The following LRBA variants were observed in gnomAD, a reference collection of about 807,000 sequenced individuals.
LRBA encodes the protein lipopolysaccharide-responsive and beige-like anchor protein.
A neutral mutation model predicts 330.0 loss-of-function variants in LRBA; 176 were observed. That is an observed-to-expected ratio of 0.53 (90% confidence interval 0.47 to 0.60). The LOEUF (loss-of-function observed/expected upper bound fraction) is 0.60. Ranked by LOEUF, LRBA falls within the 20% of genes least tolerant of loss-of-function variation. The pLI is 0.00. For synonymous variants in LRBA, 1,230 were observed against 1,193.0 expected (o/e 1.03, Z -0.64); for missense variants, 3,259 against 3,444.8 (o/e 0.95, Z 1.35).
chr4:150,908,571 C>T, intron 10 of LRBA, 89 bp downstream of exon 10: 1 of 1,433,264 alleles, frequency 7.0e-7, no homozygotes, highest in Non-Finnish European at 9.6e-7. Context: ...ACGTGACATT[C>T]CATGTGTTTA....
At chr4:150,715,469 C>T (rs574687409) in intron 36 of LRBA, among the ~76,000 whole-genome samples, 2 of 152,166 alleles carry the variant, frequency 1.3e-5, no homozygotes, top group South Asian at 4.2e-4. Flanking sequence ...TAAATAAAAA[C>T]TGCAAAGAAA....
In LRBA at chr4:150,784,944, T is replaced by C. The variant is rs911648393; in HGVS notation, c.5580+13137A>G. Reference sequence around the variant, plus strand: ...TTTCCTTTTATTTCTCCCCAATTTGTAACCACCCAATGGGCTCACCTTGCC... The same window carrying C: ...TTTCCTTTTATTTCTCCCCAATTTGCAACCACCCAATGGGCTCACCTTGCC... On this transcript the variant is annotated intron_variant, in intron 34 of 56. Transcript: ENST00000651943. 2.6e-5 allele frequency among the ~76,000 whole-genome samples: 4 copies of C among 152,198 alleles called. No homozygotes were observed. The East Asian group carries it at 7.7e-4, about 29-fold the overall frequency.
At position 150,559,936 on chromosome 4, in the gene LRBA, A is replaced by G. The variant is rs1318694117; in HGVS notation, c.6330+28112T>C. Among the ~76,000 whole-genome samples the G allele has an allele frequency of 1.2e-3, 127 of 108,688 alleles. 1 individual carries two copies. The highest frequency in any genetic ancestry group is 4.2e-3 in the African/African-American group (116 of 27,634). The allele number at this position is 108,688 out of a possible 152,430, so 71.3% of individuals were successfully genotyped here. A position where few individuals can be genotyped will look rare whatever the true frequency, so the allele number is the denominator to read the frequency against. On this transcript the variant is annotated intron_variant, in intron 40 of 56. Coordinates refer to ENST00000651943, the MANE Select transcript of LRBA (RefSeq NM_001364905.1). Reference sequence around the variant, plus strand: ...ATAATATATAAATATAAATATATATATATCTATATAAATATATATATAAAT... The same window carrying G: ...ATAATATATAAATATAAATATATATGTATCTATATAAATATATATATAAAT...
At chr4:150,666,075 G>C (rs888398520) in intron 37 of LRBA, among the ~76,000 whole-genome samples, 1 of 152,088 alleles carries the variant, frequency 6.6e-6, no homozygotes, top group Non-Finnish European at 1.5e-5. Context: ...GGGTGGGAGA[G>C]AGTAATCACG....
intron 36 of LRBA, among the ~76,000 whole-genome samples, chr4:150,730,493 G>C (rs985296999): frequency 1.2e-4 from 18 of 150,344 alleles, no homozygotes; most frequent in African/African-American, 4.2e-4. Context: ...GACCAGCCTG[G>C]CCAACATGGT....
chr4:150,633,438 C>T (rs545064704), intron 37 of LRBA, among the ~76,000 whole-genome samples: 1 of 152,218 alleles, frequency 6.6e-6, no homozygotes, highest in East Asian at 1.9e-4. Context: ...TGACACACTA[C>T]TGAATAGTTG....
intron 15 of LRBA, among the ~76,000 whole-genome samples, chr4:150,897,379 A>T (rs996592339): frequency 6.6e-6 from 1 of 152,056 alleles, no homozygotes; most frequent in Non-Finnish European, 1.5e-5. Flanking sequence ...CAGAAATACT[A>T]TTTCTCAAAA....
intron 16 of LRBA, among the ~76,000 whole-genome samples, chr4:150,895,950 A>G (rs975892684): frequency 2.6e-5 from 4 of 152,118 alleles, no homozygotes; most frequent in African/African-American, 9.7e-5. Context: ...CACCTATTTA[A>G]TTTTCAACCT....
intron 28 of LRBA, 82 bp downstream of exon 28, chr4:150,844,018 G>T: frequency 1.2e-6 from 1 of 814,186 alleles, no homozygotes; most frequent in Non-Finnish European, 1.9e-6. Flanking sequence ...ATATCACAAA[G>T]AATTTTTAAT....
chr4:150,750,913 TAAA>T (rs34872494), intron 35 of LRBA, among the ~76,000 whole-genome samples: 1 of 137,562 alleles, frequency 7.3e-6, no homozygotes, highest in Non-Finnish European at 1.6e-5. Context: ...GAAAAATCTT[TAAA>T]AAAAAAAAAA....
intron 54 of LRBA, among the ~76,000 whole-genome samples, chr4:150,283,281 G>A (rs1005070026): frequency 3.3e-5 from 5 of 152,278 alleles, no homozygotes; most frequent in South Asian, 2.1e-4. Context: ...TTCACAGCAA[G>A]GAGCAGCATC....
chr4:150,820,451 A>G (rs1745262284), intron 30 of LRBA, among the ~76,000 whole-genome samples: 1 of 152,064 alleles, frequency 6.6e-6, no homozygotes, highest in African/African-American at 2.4e-5. Flanking sequence ...TATAATCAAC[A>G]GCAATAAAGA....
At chr4:150,804,176 T>C (rs914671695) in intron 33 of LRBA, among the ~76,000 whole-genome samples, 6 of 152,194 alleles carry the variant, frequency 3.9e-5, no homozygotes, top group African/African-American at 1.4e-4. Context: ...GTAAAAGTCA[T>C]TCATTACTTC....
chr4:150,445,791 A>G (rs1341433923), intron 44 of LRBA, among the ~76,000 whole-genome samples: 1 of 151,960 alleles, frequency 6.6e-6, no homozygotes, highest in Non-Finnish European at 1.5e-5. Context: ...CAGCCTCCTG[A>G]GCAGCTAGGA....
chr4:150,916,361 T>C lies in LRBA; in HGVS notation c.894+40A>G, dbSNP rs776361685. On this transcript the variant is annotated intron_variant, in intron 7 of 56. Transcript: ENST00000651943. ...AAACAAAGCATTTTGATGACTAGCA[T>C]AGCTTGTTAACATAACTATGACTCA... 37 of 1,596,862 alleles carry C rather than the reference T, an allele frequency of 2.3e-5. No individual in the cohort carries two copies. In the East Asian group the frequency reaches 7.4e-4, roughly 32 times the overall value.
intron 37 of LRBA, among the ~76,000 whole-genome samples, chr4:150,674,995 T>C (rs964426492): frequency 2.0e-5 from 3 of 152,064 alleles, no homozygotes; most frequent in Non-Finnish European, 4.4e-5. Flanking sequence ...GGTAGGTAGA[T>C]TGCTTGAGCC....
At chr4:150,511,793 A>C (rs1252643271) in intron 40 of LRBA, among the ~76,000 whole-genome samples, 1 of 152,254 alleles carries the variant, frequency 6.6e-6, no homozygotes, top group Non-Finnish European at 1.5e-5. Context: ...AGTCAAAATC[A>C]CATAACTAGT....
At chr4:150,986,008 TG>T (rs1185132119) in intron 2 of LRBA, among the ~76,000 whole-genome samples, 1 of 152,062 alleles carries the variant, frequency 6.6e-6, no homozygotes, top group Non-Finnish European at 1.5e-5. Context: ...TTGGTAGAGA[TG>T]GGGGTCTCAC....
intron 40 of LRBA, among the ~76,000 whole-genome samples, chr4:150,526,552 C>T (rs1763497689): frequency 6.6e-6 from 1 of 152,124 alleles, no homozygotes; most frequent in Non-Finnish European, 1.5e-5. Context: ...ATTCTCTCTT[C>T]ACTTTCTCCC....
Sources: gnomAD v4.1 joint callset for allele counts (sites outside exome capture counted in the v4.1 genomes callset) on GRCh38, gnomAD v4.1.1 for gene constraint, MANE v1.5 for transcripts, NCBI Gene and HGNC (gene_info 2026-07-23, HGNC 2026-07-21) for gene names.